Variants in CNTN4 observed in about 807,000 individuals in gnomAD.
CNTN4 encodes contactin 4, also known as contactin-4.
CNTN4 carries 77 observed loss-of-function variants against 122.5 expected under a neutral mutation model. The ratio of observed to expected loss-of-function variants is 0.63; its 90% CI spans 0.52 to 0.76. The LOEUF (loss-of-function observed/expected upper bound fraction) is 0.76. CNTN4 is among the 30% of genes least tolerant of loss of function. The probability of loss-of-function intolerance (pLI) is 0.00; values close to 1 mark genes in which losing one functional copy is unlikely to be tolerated. For synonymous variants in CNTN4, 512 were observed against 447.0 expected, an observed-to-expected ratio of 1.15 and a Z score of -1.83; for missense variants, 1,256 against 1,259.1, an observed-to-expected ratio of 1.00 and a Z score of 0.04.
At chr3:2,530,101 A>C (rs553796384) in intron 3 of CNTN4, among the ~76,000 whole-genome samples, 1 of 152,142 alleles carries the variant, frequency 6.6e-6, no homozygotes, top group African/African-American at 2.4e-5. Flanking sequence ...GATTTTCAGA[A>C]ATCTTGTAAT....
At chr3:2,163,334 C>T (rs1229097137) in intron 2 of CNTN4, among the ~76,000 whole-genome samples, 2 of 152,062 alleles carry the variant, frequency 1.3e-5, no homozygotes, top group African/African-American at 4.8e-5. Context: ...TCATCTCTCA[C>T]CTTATACAAA....
chr3:2,955,776 A>G (rs1451088051), intron 13 of CNTN4, among the ~76,000 whole-genome samples: 3 of 152,200 alleles, frequency 2.0e-5, no homozygotes, highest in Non-Finnish European at 4.4e-5. Context: ...GCTGGACACA[A>G]CTGTTTGAAC....
intron 2 of CNTN4, among the ~76,000 whole-genome samples, chr3:2,133,978 C>G (rs574716476): frequency 6.6e-6 from 1 of 152,036 alleles, no homozygotes; most frequent in African/African-American, 2.4e-5. Flanking sequence ...TTTCATTTCT[C>G]TATTATGAAA....
rs192024383 is a variant in CNTN4 at position 2,604,131 on chromosome 3, A to G, written c.55+32573A>G. Among the ~76,000 whole-genome samples, 13 of 152,292 alleles carry G rather than the reference A, an allele frequency of 8.5e-5. No individual in the cohort carries two copies. The East Asian group carries it at 2.5e-3, about 29-fold the overall frequency. Reference sequence around the variant, plus strand: ...GCCAGAGTAAGACACATAGTCAAAGAAAAAGAAAGTAGGATTCTACCATAT... The same window carrying G: ...GCCAGAGTAAGACACATAGTCAAAGGAAAAGAAAGTAGGATTCTACCATAT... On this transcript the variant is annotated intron_variant, in intron 4 of 24. Transcript: ENST00000418658.
chr3:3,020,399 G>A (rs1698185114), intron 14 of CNTN4, among the ~76,000 whole-genome samples: 1 of 152,214 alleles, frequency 6.6e-6, no homozygotes, highest in Non-Finnish European at 1.5e-5. Flanking sequence ...CTAGCTTAAT[G>A]TCGAAGAAAG....
chr3:2,401,150 C>T (rs1444862846), intron 3 of CNTN4, among the ~76,000 whole-genome samples: 1 of 152,060 alleles, frequency 6.6e-6, no homozygotes, highest in African/African-American at 2.4e-5. Flanking sequence ...TTAAGAATTG[C>T]TTCTTAGTAG....
intron 4 of CNTN4, among the ~76,000 whole-genome samples, chr3:2,640,288 A>T (rs2082843842): frequency 6.6e-6 from 1 of 152,370 alleles, no homozygotes; most frequent in Non-Finnish European, 1.5e-5. Flanking sequence ...GAAACAACAG[A>T]TCAAAAACTG....
intron 4 of CNTN4, among the ~76,000 whole-genome samples, chr3:2,623,620 T>C (rs983110625): frequency 5.3e-5 from 8 of 152,194 alleles, no homozygotes; most frequent in African/African-American, 1.7e-4. Flanking sequence ...GAGGGTTGTG[T>C]GGCATGAATG....
intron 23 of CNTN4, among the ~76,000 whole-genome samples, chr3:3,049,735 C>T (rs1701058735): frequency 2.0e-5 from 3 of 152,194 alleles, no homozygotes; most frequent in Non-Finnish European, 2.9e-5. Flanking sequence ...GGCCTTGGCA[C>T]CTCTCTGGGA....
intron 7 of CNTN4, among the ~76,000 whole-genome samples, chr3:2,865,756 A>T (rs1423528255): frequency 6.6e-6 from 1 of 152,204 alleles, no homozygotes; most frequent in Admixed American, 6.5e-5. Context: ...ACTGCAGCAA[A>T]TCATTTATAC....
chr3:2,485,675 G>T (rs761717044), intron 3 of CNTN4, among the ~76,000 whole-genome samples: 1 of 152,156 alleles, frequency 6.6e-6, no homozygotes, highest in Non-Finnish European at 1.5e-5. Context: ...ACACCAATCA[G>T]CACTCTCTGT....
intron 6 of CNTN4, among the ~76,000 whole-genome samples, chr3:2,784,269 A>G (rs949040217): frequency 6.6e-6 from 1 of 152,184 alleles, no homozygotes; most frequent in African/African-American, 2.4e-5. Flanking sequence ...ACTGGAGCTC[A>G]TGTGTTCTCC....
At chr3:2,650,738 A>G (rs12488529) in intron 4 of CNTN4, among the ~76,000 whole-genome samples, 25,601 of 152,188 alleles carry the variant, frequency 0.17, 2,202 homozygotes, top group Admixed American at 0.24. Context: ...AGCATTTTTA[A>G]CAATAAATTA....
chr3:2,501,014 T>C (rs968411514), intron 3 of CNTN4, among the ~76,000 whole-genome samples: 6 of 152,184 alleles, frequency 3.9e-5, no homozygotes, highest in African/African-American at 1.4e-4. Flanking sequence ...ATATGTATTT[T>C]ATATCTTTCA....
At chr3:2,806,934 C>T (rs1375260209) in intron 6 of CNTN4, among the ~76,000 whole-genome samples, 1 of 152,118 alleles carries the variant, frequency 6.6e-6, no homozygotes, top group African/African-American at 2.4e-5. Flanking sequence ...ATTAACATCC[C>T]CTATCCGGTT....
At chr3:2,866,246 T>G (rs1017583819) in intron 7 of CNTN4, among the ~76,000 whole-genome samples, 1 of 152,180 alleles carries the variant, frequency 6.6e-6, no homozygotes, top group Non-Finnish European at 1.5e-5. Flanking sequence ...GTTTCTCAGT[T>G]AATGGAAATA....
intron 14 of CNTN4, among the ~76,000 whole-genome samples, chr3:2,991,675 T>A (rs1182887363): frequency 6.6e-6 from 1 of 152,022 alleles, no homozygotes; most frequent in Admixed American, 6.6e-5. Context: ...AAATATAATT[T>A]AAAAATCTGC....
At chr3:2,650,523 C>A (rs113370545) in intron 4 of CNTN4, among the ~76,000 whole-genome samples, 2 of 152,204 alleles carry the variant, frequency 1.3e-5, no homozygotes, top group African/African-American at 4.8e-5. Flanking sequence ...GGATAAAATC[C>A]CAGCATTACC....
intron 4 of CNTN4, among the ~76,000 whole-genome samples, chr3:2,662,167 T>C (rs917485764): frequency 2.6e-5 from 4 of 152,216 alleles, no homozygotes; most frequent in Admixed American, 2.0e-4. Context: ...AGTTTAGTAA[T>C]TAGTGTCATG....
Sources: allele counts gnomAD v4.1 joint callset (sites outside exome capture counted in the v4.1 genomes callset), GRCh38; gene constraint gnomAD v4.1.1; transcripts MANE v1.5; gene names NCBI Gene and HGNC (gene_info 2026-07-23, HGNC 2026-07-21).